Variants in GRIP1 observed in about 807,000 individuals in gnomAD.
GRIP1 encodes glutamate receptor-interacting protein 1.
GRIP1 carries 45 observed loss-of-function variants against 129.9 expected under a neutral mutation model. The observed-to-expected ratio is 0.35, with a 90% CI of 0.27 to 0.44. The LOEUF (loss-of-function observed/expected upper bound fraction) is 0.44. GRIP1 is among the 20% of genes least tolerant of loss of function. The pLI is 1.00. For synonymous variants in GRIP1, 530 were observed against 520.8 expected, an observed-to-expected ratio of 1.02 and a Z score of -0.24; for missense variants, 1,196 against 1,396.8, an observed-to-expected ratio of 0.86 and a Z score of 2.29.
rs575869322 is a variant in GRIP1, at chr12:66,445,815, C to G, written c.1355-307G>C. On this transcript the variant is annotated intron_variant, in intron 11 of 24. Coordinates refer to ENST00000359742, the MANE Select transcript of GRIP1 (RefSeq NM_001366722.1). Reference sequence around the variant, plus strand: ...ATGGGTTTTAGTCCTGGCTCTATCACTGAGCACCAGCTGGGGAACCTTGGG... The same window carrying G: ...ATGGGTTTTAGTCCTGGCTCTATCAGTGAGCACCAGCTGGGGAACCTTGGG... Among the ~76,000 whole-genome samples the G allele has an allele frequency of 2.7e-3, 408 of 152,270 alleles. 1 individual carries two copies. The highest frequency in any genetic ancestry group is 9.4e-3 in the African/African-American group (391 of 41,554).
chr12:66,726,849 G>T (rs2036271485), intron 1 of GRIP1, among the ~76,000 whole-genome samples: 1 of 152,138 alleles, frequency 6.6e-6, no homozygotes, highest in Non-Finnish European at 1.5e-5. Context: ...AAAATGAAGT[G>T]ACACCCATTA....
chr12:66,717,506 C>T (rs1468505330), intron 1 of GRIP1, among the ~76,000 whole-genome samples: 1 of 152,064 alleles, frequency 6.6e-6, no homozygotes, highest in Non-Finnish European at 1.5e-5. Context: ...TGACAAGCAT[C>T]GTGCCAGAAA....
chr12:66,418,352 G>C (rs938296713), intron 15 of GRIP1, among the ~76,000 whole-genome samples: 2 of 152,062 alleles, frequency 1.3e-5, no homozygotes, highest in South Asian at 4.1e-4. Flanking sequence ...GAAAACATTG[G>C]GGAAACTCTC....
intron 1 of GRIP1, among the ~76,000 whole-genome samples, chr12:66,908,995 C>T (rs1337974863): frequency 6.6e-6 from 1 of 152,218 alleles, no homozygotes; most frequent in Non-Finnish European, 1.5e-5. Flanking sequence ...CAGCACCAAA[C>T]ACCTCTTTCT....
intron 1 of GRIP1, among the ~76,000 whole-genome samples, chr12:66,611,643 C>T (rs1207923671): frequency 6.6e-6 from 1 of 152,128 alleles, no homozygotes; most frequent in Non-Finnish European, 1.5e-5. Flanking sequence ...TGTATAGCCA[C>T]TAAATGATCT....
Position 66,708,055 on chromosome 12 carries a change from C to T in GRIP1, c.-419-77719G>A, listed in dbSNP as rs111609290. Among the ~76,000 whole-genome samples, 438 of 151,972 alleles carry T rather than the reference C, an allele frequency of 2.9e-3. 1 individual carries two copies. Among genetic ancestry groups the T allele is most frequent in the African/African-American group, 0.01 (416 of 41,470 alleles). ...CATAATAGTGTCTATTCTAATAATG[C>T]TGTTAATAGTCTAAAAGGACATCTT... is the stretch of plus-strand genomic sequence containing the variant. On this transcript the variant is annotated intron_variant, in intron 1 of 4. Coordinates refer to the GRIP1 transcript ENST00000538373.
intron 1 of GRIP1, among the ~76,000 whole-genome samples, chr12:66,839,958 A>G (rs1414647416): frequency 6.6e-6 from 1 of 152,224 alleles, no homozygotes; most frequent in Non-Finnish European, 1.5e-5. Flanking sequence ...GGTAGCCATT[A>G]TAATCAATAA....
chr12:66,578,800 T>G (rs2063245982), intron 2 of GRIP1, among the ~76,000 whole-genome samples: 1 of 152,322 alleles, frequency 6.6e-6, no homozygotes, highest in South Asian at 2.1e-4. Context: ...GAGGCCTGCC[T>G]GCCTCCGTAG....
chr12:66,515,176 T>C (rs914169742), intron 7 of GRIP1, among the ~76,000 whole-genome samples: 1 of 152,092 alleles, frequency 6.6e-6, no homozygotes, highest in African/African-American at 2.4e-5. Context: ...GTGAAATAAA[T>C]GGTCGTTTCT....
intron 1 of GRIP1, among the ~76,000 whole-genome samples, chr12:66,834,035 G>C (rs1028604332): frequency 6.6e-6 from 1 of 151,942 alleles, no homozygotes; most frequent in African/African-American, 2.4e-5. Flanking sequence ...AAAATTACCT[G>C]GGCAAGGTGG....
intron 1 of GRIP1, among the ~76,000 whole-genome samples, chr12:66,619,611 A>C (rs1000169793): frequency 3.9e-5 from 6 of 152,186 alleles, no homozygotes; most frequent in African/African-American, 1.4e-4. Context: ...CATGGAAATA[A>C]AATCAATGAG....
At chr12:66,456,724 C>T (rs1211164447) in intron 9 of GRIP1, among the ~76,000 whole-genome samples, 1 of 151,938 alleles carries the variant, frequency 6.6e-6, no homozygotes, top group African/African-American at 2.4e-5. Context: ...TAAAGATTTG[C>T]AAATCTTGGC....
chr12:66,483,861 C>T (rs1489428975), intron 7 of GRIP1, among the ~76,000 whole-genome samples: 1 of 115,910 alleles, frequency 8.6e-6, no homozygotes, highest in Admixed American at 8.8e-5. Context: ...ATTATCCTAA[C>T]TTCTTTTTTT....
intron 1 of GRIP1, among the ~76,000 whole-genome samples, chr12:66,922,355 C>T (rs2041227337): frequency 6.6e-6 from 1 of 152,116 alleles, no homozygotes; most frequent in African/African-American, 2.4e-5. Flanking sequence ...AACCAGGACT[C>T]CGTGTTCTCT....
At chr12:66,688,033 A>C (rs2034845655) in intron 1 of GRIP1, among the ~76,000 whole-genome samples, 1 of 152,212 alleles carries the variant, frequency 6.6e-6, no homozygotes, top group Non-Finnish European at 1.5e-5. Context: ...AATCATACCA[A>C]GACAGAGGAA....
Position 66,812,600 on chromosome 12 carries a change from A to G in GRIP1, c.59-215673T>C, listed in dbSNP as rs572464914. Among the ~76,000 whole-genome samples the G allele has an allele frequency of 8.5e-5, 13 of 152,374 alleles. No homozygotes were observed. In the South Asian group the frequency reaches 2.7e-3, roughly 32 times the overall value. On this transcript the variant is annotated intron_variant, in intron 1 of 1. Transcript: ENST00000643019. ...ATTCTAAGTCATCATTCGCCTTGATAGTAGCTTTAGTTACAAGTTCAAGTA... is the reference window on the plus strand; with the variant it reads ...ATTCTAAGTCATCATTCGCCTTGATGGTAGCTTTAGTTACAAGTTCAAGTA...
At chr12:66,811,546 T>C (rs2039104338) in intron 1 of GRIP1, among the ~76,000 whole-genome samples, 1 of 152,184 alleles carries the variant, frequency 6.6e-6, no homozygotes, top group Non-Finnish European at 1.5e-5. Flanking sequence ...CTGAAGAATA[T>C]ATTACCTAAT....
At chr12:67,044,802 T>C (rs184095124) in intron 1 of GRIP1, among the ~76,000 whole-genome samples, 1 of 152,234 alleles carries the variant, frequency 6.6e-6, no homozygotes, top group Non-Finnish European at 1.5e-5. Context: ...TCTGGGTACA[T>C]GTTTTTCAAT....
intron 1 of GRIP1, among the ~76,000 whole-genome samples, chr12:66,996,047 C>A (rs1339597611): frequency 6.6e-6 from 1 of 151,980 alleles, no homozygotes; most frequent in South Asian, 2.1e-4. Context: ...AAAAAGACCA[C>A]ATATTGTATG....
Sources: gnomAD v4.1 joint callset for allele counts (sites outside exome capture counted in the v4.1 genomes callset) on GRCh38, gnomAD v4.1.1 for gene constraint, MANE v1.5 for transcripts, NCBI Gene and HGNC (gene_info 2026-07-23, HGNC 2026-07-21) for gene names.